FAT4: variants seen among roughly 807,000 people sequenced by gnomAD.
FAT4 encodes the protein protocadherin Fat 4.
Under a neutral mutation model 303.9 loss-of-function variants are expected in FAT4, and 84 were observed. The ratio of observed to expected loss-of-function variants is 0.28; its 90% CI spans 0.23 to 0.33. The LOEUF (loss-of-function observed/expected upper bound fraction) is 0.33, where lower values mean the gene tolerates loss of function less well. Among genes scored for constraint, FAT4 ranks in the 10% least tolerant of loss-of-function variants. The pLI, the probability that FAT4 is intolerant of heterozygous loss-of-function variation, is 1.00. For synonymous variants in FAT4, 2,307 were observed against 2,298.8 expected (o/e 1.00, Z -0.10); for missense variants, 6,005 against 6,146.8 (o/e 0.98, Z 0.77).
intron 2 of FAT4, among the ~76,000 whole-genome samples, chr4:125,382,617 TA>T (rs1578580248): frequency 1.3e-5 from 2 of 152,112 alleles, no homozygotes; most frequent in African/African-American, 4.8e-5. Flanking sequence ...TTCAGAATGG[TA>T]AAAGATCAGT....
chr4:125,466,692 A>G (rs1401380108), intron 11 of FAT4, among the ~76,000 whole-genome samples: 1 of 150,780 alleles, frequency 6.6e-6, no homozygotes, highest in Non-Finnish European at 1.5e-5. Context: ...CATAACATAT[A>G]TATCAATAAA....
At chr4:125,393,798 TG>T (rs776581771) in intron 2 of FAT4, 7 of 513,714 alleles carry the variant, frequency 1.4e-5, no homozygotes, top group Non-Finnish European at 2.1e-5. Context: ...ACAGATCATT[TG>T]TGAACTAATT....
rs1341066460 is a variant in FAT4 at position 125,490,305 on chromosome 4, C to T, written c.13489C>T (p.Pro4497Ser). ...AGHVCVLSQG[P>S]EEISLPLWAV... ...GCATGTCTGTGTTCTGAGTCAGGGC[C>T]CTGAAGAGATCTCTCTGCCTTTGTG... The change falls in exon 18 of 18, where the codon CCT (proline) becomes TCT (serine). Residue 4497 changes from proline (P) to serine (S), a missense_variant. Physicochemically the swap from Pro to Ser is moderately conservative, Grantham distance 74. Transcript: ENST00000394329. 1 of 1,614,082 alleles carries T rather than the reference C, an allele frequency of 6.2e-7. No individual in the cohort carries two copies. Among genetic ancestry groups the T allele is most frequent in the Non-Finnish European group, 8.5e-7 (1 of 1,180,024 alleles).
rs969254308 is a variant in FAT4 at position 125,315,491 on chromosome 4, C to T, written c.-499C>T. Reference sequence around the variant, plus strand: ...AGGGGAGGGCGACTCGGGGACCGCACGCTGTTTCTGCCCGACCCCTGCGAG... The same window carrying T: ...AGGGGAGGGCGACTCGGGGACCGCATGCTGTTTCTGCCCGACCCCTGCGAG... On this transcript the variant is annotated 5_prime_UTR_variant, in exon 1 of 18. The change creates a new upstream start codon in the 5' untranslated region. Transcript: ENST00000394329. Among the ~76,000 whole-genome samples, 1 of 152,142 alleles carries T rather than the reference C, an allele frequency of 6.6e-6. No individual in the cohort carries two copies. Among genetic ancestry groups the T allele is most frequent in the African/African-American group, 2.4e-5 (1 of 41,448 alleles).
chr4:125,488,004 T>C (rs1239361447), intron 17 of FAT4, among the ~76,000 whole-genome samples: 1 of 152,172 alleles, frequency 6.6e-6, no homozygotes, highest in Non-Finnish European at 1.5e-5. Flanking sequence ...TTAATCAAAT[T>C]CTTACACAAG....
intron 2 of FAT4, among the ~76,000 whole-genome samples, chr4:125,342,758 T>C (rs780765195): frequency 3.3e-5 from 5 of 151,884 alleles, no homozygotes; most frequent in Non-Finnish European, 7.4e-5. Context: ...GAAACACAAT[T>C]TTATATTACT....
intron 2 of FAT4, among the ~76,000 whole-genome samples, chr4:125,368,346 T>A (rs918331360): frequency 6.6e-6 from 1 of 151,848 alleles, no homozygotes; most frequent in Non-Finnish European, 1.5e-5. Flanking sequence ...GGTAAACAGT[T>A]TATGCAGTTA....
chr4:125,355,187 T>C (rs2125981100), intron 2 of FAT4, among the ~76,000 whole-genome samples: 1 of 152,102 alleles, frequency 6.6e-6, no homozygotes, highest in South Asian at 2.1e-4. Context: ...TTTTAAAATA[T>C]ATATTTCTTT....
At position 125,406,995 on chromosome 4, in the gene FAT4, C is replaced by G. The variant is rs570452440; in HGVS notation, c.5423C>G (p.Ser1808Cys). The change falls in exon 4 of 18, where the codon TCC becomes TGC. Residue 1808 changes from serine to cysteine, a missense_variant. Transcript: ENST00000394329. The stretch of plus-strand genomic sequence containing the variant: ...AGGCGGTTGGACAGGGAACGCCGCT[C>G]CAAATATTCACTGCTAGTTCGTGCT... Reference protein sequence around the residue: ...ATRRLDRERRSKYSLLVRADD... With the variant: ...ATRRLDRERRCKYSLLVRADD... 1.1e-4 allele frequency: 182 copies of G among 1,613,816 alleles called. 3 individuals carry two copies. The South Asian group carries it at 1.8e-3, about 16-fold the overall frequency.
In FAT4 at chr4:125,449,677, T is replaced by C. The variant is rs1457978604; in HGVS notation, c.8667T>C (p.Ile2889=). The change falls in exon 10 of 18, where the codon ATT becomes ATC. Residue 2889 remains isoleucine, a synonymous_variant. Coordinates refer to ENST00000394329, the MANE Select transcript of FAT4 (RefSeq NM_001291303.3). ...TAGATTGCCCTGAACTTACTGAGAT[T>C]GGCTCCAAAGTAACTCAGGTATTTG... ...YYLDCPELTE[I]GSKVTQVFAT... is the part of the protein sequence containing the mutation. 1.9e-6 allele frequency: 3 copies of C among 1,613,970 alleles called. No individual in the cohort carries two copies. Among genetic ancestry groups the C allele is most frequent in the South Asian group, 1.1e-5 (1 of 91,088 alleles).
At chr4:125,461,651 G>T (rs1490767212) in intron 10 of FAT4, among the ~76,000 whole-genome samples, 1 of 151,924 alleles carries the variant, frequency 6.6e-6, no homozygotes, top group African/African-American at 2.4e-5. Context: ...ATGAAAGAAA[G>T]TAAAACTGTA....
Position 125,318,418 on chromosome 4 carries a change from G to C in FAT4, c.2007G>C (p.Gln669His), listed in dbSNP as rs779127106. The change falls in exon 2 of 18, where the codon CAG becomes CAC. Residue 669 changes from glutamine (Q) to histidine (H), a missense_variant. Gln to His is a conservative substitution (Grantham distance 24). Coordinates refer to ENST00000394329, the MANE Select transcript of FAT4 (RefSeq NM_001291303.3). ...VLATDLGSPP[Q>H]SSMARINVSL... ...CCACAGATCTGGGCTCCCCTCCCCA[G>C]TCATCAATGGCTCGCATAAATGTGA... 2.5e-6 allele frequency: 4 copies of C among 1,614,156 alleles called. No homozygotes were observed. The highest frequency in any genetic ancestry group is 2.5e-6 in the Non-Finnish European group (3 of 1,180,034).
At position 125,423,905 on chromosome 4, in the gene FAT4, G is replaced by A. The variant is rs569806694; in HGVS notation, c.7018+7283G>A. ...CATTTTGGACTTTCAGGGGCCTGTAGCCCCTTCATTTTGGCCAATTTCTCC... is the reference window on the plus strand; with the variant it reads ...CATTTTGGACTTTCAGGGGCCTGTAACCCCTTCATTTTGGCCAATTTCTCC... On this transcript the variant is annotated intron_variant, in intron 7 of 17. Coordinates refer to ENST00000394329, the MANE Select transcript of FAT4 (RefSeq NM_001291303.3). Among the ~76,000 whole-genome samples, 7 of 152,322 alleles carry A rather than the reference G, an allele frequency of 4.6e-5. No individual in the cohort carries two copies. The South Asian group carries it at 6.2e-4, about 14-fold the overall frequency.
At chr4:125,418,878 T>C (rs1015047779) in intron 7 of FAT4, among the ~76,000 whole-genome samples, 3 of 113,918 alleles carry the variant, frequency 2.6e-5, no homozygotes, top group African/African-American at 1.0e-4. Flanking sequence ...GAGTTTGCCT[T>C]ACCATTTTCT....
chr4:125,350,029 A>G (rs984664024), intron 2 of FAT4, among the ~76,000 whole-genome samples: 4 of 151,712 alleles, frequency 2.6e-5, no homozygotes, highest in South Asian at 2.1e-4. Flanking sequence ...GTAAATTTCT[A>G]TACAATGGAG....
intron 10 of FAT4, among the ~76,000 whole-genome samples, chr4:125,460,500 C>T (rs138423831): frequency 3.7e-4 from 56 of 152,074 alleles, no homozygotes; most frequent in Middle Eastern, 3.4e-3. Context: ...GTGTTCTCAT[C>T]ATTTAGCTCC....
chr4:125,403,078 A>G (rs1219335855), intron 3 of FAT4, among the ~76,000 whole-genome samples: 2 of 152,088 alleles, frequency 1.3e-5, no homozygotes, highest in Admixed American at 1.3e-4. Flanking sequence ...AATTTAAGCC[A>G]TCATGTTTCT....
intron 2 of FAT4, among the ~76,000 whole-genome samples, chr4:125,359,213 A>G (rs867522460): frequency 6.6e-6 from 1 of 152,148 alleles, no homozygotes; most frequent in Admixed American, 6.6e-5. Flanking sequence ...CATTTTCCTA[A>G]TGAGAAAAGT....
rs777422356 is a variant in FAT4 at position 125,317,995 on chromosome 4, T to C, written c.1584T>C (p.His528=). 5.0e-6 allele frequency: 8 copies of C among 1,614,166 alleles called. No individual in the cohort carries two copies. Among genetic ancestry groups the C allele is most frequent in the Admixed American group, 1.7e-5 (1 of 60,026 alleles). Reference sequence around the variant, plus strand: ...TGGGATGGTTCCATATCAGTGAACATAGCGGCCTCGTGACCACTGGGTCCT... The same window carrying C: ...TGGGATGGTTCCATATCAGTGAACACAGCGGCCTCGTGACCACTGGGTCCT... The part of the protein sequence containing the change: ...NGLGWFHISE[H]SGLVTTGSSG... Residue 528 remains histidine (H), a synonymous_variant, in exon 2 of 18, where the codon CAT becomes CAC. Coordinates refer to ENST00000394329, the MANE Select transcript of FAT4 (RefSeq NM_001291303.3). The surrounding 1 kb of genome is among the most constrained non-coding windows in gnomAD (Gnocchi z 7.0).
Sources: allele counts gnomAD v4.1 joint callset (sites outside exome capture counted in the v4.1 genomes callset), GRCh38; gene constraint gnomAD v4.1.1; non-coding constraint Gnocchi (gnomAD v3.1); transcripts MANE v1.5; gene names NCBI Gene and HGNC (gene_info 2026-07-23, HGNC 2026-07-21).